Variants in BCAS3 observed in about 807,000 individuals in gnomAD.
BCAS3 encodes the protein BCAS3 microtubule associated cell migration factor.
In BCAS3, 53 loss-of-function variants were observed where a neutral mutation model predicts 116.1. The observed-to-expected ratio is 0.46, with a 90% confidence interval of 0.37 to 0.57. BCAS3 has a LOEUF of 0.57. Ranked by LOEUF, BCAS3 falls within the 20% of genes least tolerant of loss-of-function variation. BCAS3 has a pLI of 0.00. For synonymous variants in BCAS3, 391 were observed against 408.2 expected (o/e 0.96, Z 0.51); for missense variants, 917 against 1,165.4 (o/e 0.79, Z 3.10).
chr17:61,267,743 GAAAA>G lies in BCAS3; in HGVS notation c.2426-100583_2426-100580del, dbSNP rs1330362537. 2.0e-5 allele frequency among the ~76,000 whole-genome samples: 3 copies of G among 150,458 alleles called. No homozygotes were observed. In the South Asian group the frequency reaches 6.3e-4, roughly 32 times the overall value. On this transcript the variant is annotated intron_variant, in intron 22 of 23. Coordinates refer to ENST00000407086, the MANE Select transcript of BCAS3 (RefSeq NM_017679.5). ...TCTCCAGAAAAAAAAAAAAAGAAAA[GAAAA>G]GAAGAAAGGTGGCAAGAAGGTGAAA...
At chr17:60,999,482 A>G (rs1431193178) in intron 15 of BCAS3, among the ~76,000 whole-genome samples, 5 of 150,246 alleles carry the variant, frequency 3.3e-5, no homozygotes, top group Non-Finnish European at 7.4e-5. Flanking sequence ...TGAATGTTGC[A>G]GTGAGCTGAA....
chr17:61,074,914 C>T lies in BCAS3; in HGVS notation c.2030-6C>T, dbSNP rs566462471. 3.7e-6 allele frequency: 6 copies of T among 1,601,388 alleles called. No individual in the cohort carries two copies. The highest frequency in any genetic ancestry group is 1.7e-4 in the Middle Eastern group (1 of 5,994). On this transcript the variant is annotated splice_region_variant and splice_polypyrimidine_tract_variant and intron_variant, in intron 19 of 23. Coordinates refer to ENST00000407086, the MANE Select transcript of BCAS3 (RefSeq NM_017679.5). ...GTGGTTTAAATCTATTTTCTTTCTC[C>T]TATAGTGGTTCCCCCTGGAAGTCCT... is the stretch of plus-strand genomic sequence containing the variant.
chr17:60,738,747 T>C (rs965520186), intron 5 of BCAS3, among the ~76,000 whole-genome samples: 3 of 152,134 alleles, frequency 2.0e-5, no homozygotes, highest in South Asian at 2.1e-4. Context: ...TGTTTTAATT[T>C]TTTTGTATTT....
chr17:61,241,382 A>G lies in BCAS3; in HGVS notation c.2426-126945A>G, dbSNP rs1602129709. ...ACACCTTAGCCAACTGTTTATGCTA[A>G]TGATGAAAGAGAAGTCAAAGTAAAT... On this transcript the variant is annotated intron_variant, in intron 22 of 23. Coordinates refer to ENST00000407086, the MANE Select transcript of BCAS3 (RefSeq NM_017679.5). The surrounding 1 kb of genome is among the most constrained non-coding windows in gnomAD (Gnocchi z 4.6). 6.6e-6 allele frequency among the ~76,000 whole-genome samples: 1 copy of G among 152,008 alleles called. No individual in the cohort carries two copies. The highest frequency in any genetic ancestry group is 1.9e-4 in the East Asian group (1 of 5,174).
intron 22 of BCAS3, among the ~76,000 whole-genome samples, chr17:61,169,219 T>C (rs1438290894): frequency 6.6e-6 from 1 of 152,212 alleles, no homozygotes. Flanking sequence ...AACTGTAAAT[T>C]GCTACCCTTA....
chr17:60,972,842 CT>C (rs947542012), intron 14 of BCAS3, among the ~76,000 whole-genome samples: 75 of 152,232 alleles, frequency 4.9e-4, no homozygotes, highest in African/African-American at 1.8e-3. Context: ...TTTTAATTCC[CT>C]TTTTTATATT....
intron 7 of BCAS3, among the ~76,000 whole-genome samples, chr17:60,820,800 C>T (rs1279255844): frequency 6.6e-6 from 1 of 152,110 alleles, no homozygotes; most frequent in African/African-American, 2.4e-5. Context: ...TAAGCACTTT[C>T]AAACCAGAGG....
chr17:60,727,285 C>T (rs2039981272), intron 5 of BCAS3: 7 of 1,124,064 alleles, frequency 6.2e-6, no homozygotes, highest in South Asian at 4.9e-5. Context: ...CTGGCCTTAG[C>T]ACAGTCTTCT....
chr17:61,014,995 G>A (rs550394896), intron 15 of BCAS3, among the ~76,000 whole-genome samples: 43 of 152,220 alleles, frequency 2.8e-4, no homozygotes, highest in African/African-American at 1.0e-3. Flanking sequence ...GAATACCTAG[G>A]TAAATGGAAA....
chr17:60,772,992 T>C (rs2044882760), intron 6 of BCAS3, among the ~76,000 whole-genome samples: 1 of 152,212 alleles, frequency 6.6e-6, no homozygotes, highest in Admixed American at 6.5e-5. Context: ...AGCATGCTTT[T>C]GGCATTGTAT....
chr17:61,129,407 T>G (rs1420155935), intron 22 of BCAS3, among the ~76,000 whole-genome samples: 1 of 152,244 alleles, frequency 6.6e-6, no homozygotes, highest in East Asian at 1.9e-4. Flanking sequence ...TTTATAGCTC[T>G]CAGAAGAGCT....
At chr17:61,160,522 C>T (rs1422682815) in intron 22 of BCAS3, among the ~76,000 whole-genome samples, 1 of 152,154 alleles carries the variant, frequency 6.6e-6, no homozygotes, top group Non-Finnish European at 1.5e-5. Context: ...AAGTCAGCTG[C>T]ATCTGTGTGA....
intron 22 of BCAS3, among the ~76,000 whole-genome samples, chr17:61,108,851 C>T (rs2074856164): frequency 1.3e-5 from 2 of 152,072 alleles, no homozygotes; most frequent in African/African-American, 4.8e-5. Context: ...TGAGTGAGAA[C>T]ATATGATGTT....
chr17:61,176,425 T>C (rs1272722936), intron 22 of BCAS3, among the ~76,000 whole-genome samples: 1 of 150,994 alleles, frequency 6.6e-6, no homozygotes, highest in East Asian at 1.9e-4. Context: ...TACTTCCTGA[T>C]AGTAAAAGAA....
chr17:61,184,442 G>T (rs1368516782), intron 22 of BCAS3, among the ~76,000 whole-genome samples: 2 of 152,136 alleles, frequency 1.3e-5, no homozygotes, highest in African/African-American at 2.4e-5. Context: ...TTAAAAGACT[G>T]ACAATACCAA....
chr17:61,115,995 A>C (rs941276237), intron 22 of BCAS3, among the ~76,000 whole-genome samples: 1 of 150,468 alleles, frequency 6.6e-6, no homozygotes, highest in Non-Finnish European at 1.5e-5. Flanking sequence ...GCAAGAACAA[A>C]AAACCAAACA....
At chr17:61,123,198 C>A (rs528575486) in intron 22 of BCAS3, among the ~76,000 whole-genome samples, 8 of 152,000 alleles carry the variant, frequency 5.3e-5, no homozygotes, top group Non-Finnish European at 1.0e-4. Context: ...CCACCTTGGC[C>A]TCCCAAGGTG....
intron 22 of BCAS3, among the ~76,000 whole-genome samples, chr17:61,255,437 T>C (rs1245653053): frequency 6.6e-6 from 1 of 152,230 alleles, no homozygotes; most frequent in African/African-American, 2.4e-5. Context: ...TCTTCTTAAT[T>C]TGATGATGTC....
rs2143036400 is a variant in BCAS3, at chr17:61,325,265, C to T, written c.2426-43062C>T. Among the ~76,000 whole-genome samples the T allele has an allele frequency of 6.6e-6, 1 of 152,314 alleles. No homozygotes were observed. The highest frequency in any genetic ancestry group is 1.9e-4 in the East Asian group (1 of 5,184). On this transcript the variant is annotated intron_variant, in intron 22 of 23. Coordinates refer to ENST00000407086, the MANE Select transcript of BCAS3 (RefSeq NM_017679.5). The surrounding 1 kb of genome is among the most constrained non-coding windows in gnomAD (Gnocchi z 6.4). ...GGCTGATAGAGACCATTGCAAGTAA[C>T]TAACAACCGTACAAATAGCGCCCTG...
Sources: gnomAD v4.1 joint callset for allele counts (sites outside exome capture counted in the v4.1 genomes callset) on GRCh38, gnomAD v4.1.1 for gene constraint, Gnocchi (gnomAD v3.1) non-coding constraint, MANE v1.5 for transcripts, NCBI Gene and HGNC (gene_info 2026-07-23, HGNC 2026-07-21) for gene names.